The following ARHGAP32 variants were observed in gnomAD, a reference collection of about 807,000 sequenced individuals.
ARHGAP32 encodes rho GTPase-activating protein 32.
A neutral mutation model predicts 186.5 loss-of-function variants in ARHGAP32; 51 were observed. That is an observed-to-expected ratio of 0.27 (90% confidence interval 0.22 to 0.35). The LOEUF is 0.35. ARHGAP32 is among the 10% of genes least tolerant of loss of function. The probability of loss-of-function intolerance (pLI) is 1.00; values close to 1 mark genes in which losing one functional copy is unlikely to be tolerated. For missense variants in ARHGAP32, 2,186 were observed against 2,623.5 expected (o/e 0.83, Z 3.64); for synonymous variants, 950 against 964.3 (o/e 0.99, Z 0.27).
chr11:129,058,643 A>T (rs1396870495), intron 10 of ARHGAP32, among the ~76,000 whole-genome samples: 2 of 152,244 alleles, frequency 1.3e-5, no homozygotes, highest in African/African-American at 2.4e-5. Context: ...GATAAGGCCC[A>T]GCGTTTCCCA....
At chr11:129,164,084 T>C (rs1347091787) in intron 2 of ARHGAP32, among the ~76,000 whole-genome samples, 1 of 152,052 alleles carries the variant, frequency 6.6e-6, no homozygotes, top group Non-Finnish European at 1.5e-5. Flanking sequence ...GACTACCCTA[T>C]ATAATTAGCA....
In ARHGAP32 at chr11:129,192,271, G is replaced by C; in HGVS notation, c.-73C>G. ...AAAGCACCAACATTCAGGTTGTTCA[G>C]CTCTACTCATGTATACTCAGATGTG... On this transcript the variant is annotated 5_prime_UTR_variant, in exon 1 of 23. Coordinates refer to ENST00000682385, the MANE Select transcript of ARHGAP32 (RefSeq NM_001378024.1). The C allele has an allele frequency of 4.8e-6, 5 of 1,043,696 alleles. No homozygotes were observed. The allele number at this position is 1,043,696 out of a possible 1,614,324, so 64.7% of individuals were successfully genotyped here. A position where few individuals can be genotyped will look rare whatever the true frequency, so the allele number is the denominator to read the frequency against.
chr11:129,177,262 C>G lies in ARHGAP32; in HGVS notation c.117-12835G>C, dbSNP rs867945775. Among the ~76,000 whole-genome samples the G allele has an allele frequency of 2.0e-3, 304 of 152,068 alleles. 3 individuals are homozygous for G. Among genetic ancestry groups the G allele is most frequent in the Middle Eastern group, 3.4e-3 (1 of 294 alleles). On this transcript the variant is annotated intron_variant, in intron 1 of 22. Transcript: ENST00000682385. ...GAAGAAGTTGAATCTCTGAATAGAC[C>G]AATAACAGGAGCTGAAATTGTGGCA... is the stretch of plus-strand genomic sequence containing the variant.
chr11:128,996,266 A>G (rs1319755458), intron 12 of ARHGAP32, among the ~76,000 whole-genome samples: 2 of 151,178 alleles, frequency 1.3e-5, no homozygotes, highest in East Asian at 1.9e-4. Context: ...GTTTGTATCT[A>G]TTCTCCATTC....
rs536988132 is a variant in ARHGAP32 at position 129,244,147 on chromosome 11, T to C, written c.-5+34999A>G. ...TCAAAGCACTATAACATTATTTCAT[T>C]TATTCTTCATAACAACTCCATGAGG... is the stretch of plus-strand genomic sequence containing the variant. On this transcript the variant is annotated intron_variant, in intron 1 of 6. Transcript: ENST00000525234. 5.3e-5 allele frequency among the ~76,000 whole-genome samples: 8 copies of C among 152,308 alleles called. No individual in the cohort carries two copies. In the South Asian group the frequency reaches 1.7e-3, roughly 32 times the overall value.
At chr11:129,073,849 G>A (rs1052903604) in intron 6 of ARHGAP32, among the ~76,000 whole-genome samples, 1 of 151,802 alleles carries the variant, frequency 6.6e-6, no homozygotes, top group African/African-American at 2.4e-5. Context: ...GTTTGCGGGG[G>A]AAACACCTTA....
chr11:129,091,652 T>C (rs902125325), intron 6 of ARHGAP32, among the ~76,000 whole-genome samples: 3 of 152,068 alleles, frequency 2.0e-5, no homozygotes, highest in Admixed American at 2.0e-4. Flanking sequence ...CTGAAACAGA[T>C]TACATCAGTG....
intron 1 of ARHGAP32, among the ~76,000 whole-genome samples, chr11:129,210,520 T>C (rs1944566091): frequency 6.6e-6 from 1 of 152,160 alleles, no homozygotes; most frequent in African/African-American, 2.4e-5. Context: ...ATTTTAAATG[T>C]CTCCTCCTCT....
At chr11:129,231,772 C>A (rs936026384) in intron 1 of ARHGAP32, among the ~76,000 whole-genome samples, 1 of 152,040 alleles carries the variant, frequency 6.6e-6, no homozygotes, top group Non-Finnish European at 1.5e-5. Flanking sequence ...TGCCGGTAAT[C>A]CTAGCACTTT....
In ARHGAP32 at chr11:128,979,017, G is replaced by A. The variant is rs1671442987; in HGVS notation, c.1977-102C>T. ...GACAGAAAGAACCAAACAGGCTGGAGAAGCATAAGTGAAACAGTAAGCAAA... is the reference window on the plus strand; with the variant it reads ...GACAGAAAGAACCAAACAGGCTGGAAAAGCATAAGTGAAACAGTAAGCAAA... On this transcript the variant is annotated intron_variant, in intron 18 of 22. Transcript: ENST00000682385. 1.7e-5 allele frequency: 18 copies of A among 1,058,846 alleles called. No individual in the cohort carries two copies. The South Asian group carries it at 2.5e-4, about 15-fold the overall frequency. The allele number at this position is 1,058,846 out of a possible 1,614,324, so 65.6% of individuals were successfully genotyped here. A position where few individuals can be genotyped will look rare whatever the true frequency, so the allele number is the denominator to read the frequency against.
intron 6 of ARHGAP32, among the ~76,000 whole-genome samples, chr11:129,092,423 A>G (rs904409562): frequency 6.6e-6 from 1 of 151,978 alleles, no homozygotes; most frequent in African/African-American, 2.4e-5. Context: ...TCATCCATCT[A>G]TTAGTAATCA....
chr11:129,090,371 A>G (rs1030131250), intron 6 of ARHGAP32, among the ~76,000 whole-genome samples: 1 of 152,168 alleles, frequency 6.6e-6, no homozygotes, highest in African/African-American at 2.4e-5. Flanking sequence ...ACCATGACAC[A>G]AGAGCATTCA....
chr11:129,260,168 G>A (rs947345875), intron 1 of ARHGAP32, among the ~76,000 whole-genome samples: 2 of 152,130 alleles, frequency 1.3e-5, no homozygotes, highest in Admixed American at 1.3e-4. Flanking sequence ...AAGAGCCATA[G>A]TATTTCATTT....
intron 13 of ARHGAP32, among the ~76,000 whole-genome samples, chr11:128,987,752 T>C (rs1394581032): frequency 6.6e-6 from 1 of 152,156 alleles, no homozygotes; most frequent in East Asian, 1.9e-4. Context: ...ATGGCTGTCA[T>C]CGGTTCAAAC....
At chr11:128,989,516 TCACACACACACACACA>T (rs56090706) in intron 12 of ARHGAP32, among the ~76,000 whole-genome samples, 2 of 138,926 alleles carry the variant, frequency 1.4e-5, no homozygotes, top group Middle Eastern at 3.4e-3. Context: ...GTTTTTTATT[TCACACACACACACACA>T]CACACACACA....
At chr11:129,009,719 T>C (rs1035785245) in intron 11 of ARHGAP32, among the ~76,000 whole-genome samples, 1 of 152,198 alleles carries the variant, frequency 6.6e-6, no homozygotes, top group African/African-American at 2.4e-5. Flanking sequence ...ATCCCTTTTT[T>C]TTAATCTAGT....
intron 2 of ARHGAP32, among the ~76,000 whole-genome samples, chr11:129,137,832 A>C (rs1027410327): frequency 2.6e-5 from 4 of 152,036 alleles, no homozygotes; most frequent in African/African-American, 9.7e-5. Flanking sequence ...GTGTTTTATG[A>C]TACACGTGTG....
intron 1 of ARHGAP32, among the ~76,000 whole-genome samples, chr11:129,275,088 T>C (rs760618031): frequency 6.6e-5 from 10 of 152,240 alleles, no homozygotes; most frequent in Non-Finnish European, 1.2e-4. Context: ...CACTACAGCA[T>C]ACAGGAAATT....
intron 15 of ARHGAP32, 147 bp downstream of exon 15, chr11:128,985,856 G>GTTTA (rs1234875074): frequency 9.0e-6 from 1 of 110,512 alleles, no homozygotes. Context: ...GTGTGTGTGT[G>GTTTA]TGTATATATA....
Sources: gnomAD v4.1 joint callset for allele counts (sites outside exome capture counted in the v4.1 genomes callset) on GRCh38, gnomAD v4.1.1 for gene constraint, MANE v1.5 for transcripts, NCBI Gene and HGNC (gene_info 2026-07-23, HGNC 2026-07-21) for gene names.